ARHGAP24: variants seen among roughly 807,000 people sequenced by gnomAD.
The protein encoded by ARHGAP24 is rho GTPase-activating protein 24.
Under a neutral mutation model 76.4 loss-of-function variants are expected in ARHGAP24, and 50 were observed. The observed-to-expected ratio is 0.65, with a 90% confidence interval of 0.52 to 0.83. The LOEUF is 0.83. Ranked by LOEUF, ARHGAP24 falls within the 40% of genes least tolerant of loss-of-function variation. The pLI, the probability that ARHGAP24 is intolerant of heterozygous loss-of-function variation, is 0.00. For missense variants in ARHGAP24, 930 were observed against 914.2 expected (o/e 1.02, Z -0.22); for synonymous variants, 345 against 323.3 (o/e 1.07, Z -0.72).
intron 3 of ARHGAP24, among the ~76,000 whole-genome samples, chr4:85,888,080 G>A (rs1360206226): frequency 6.6e-6 from 1 of 151,836 alleles, no homozygotes; most frequent in Non-Finnish European, 1.5e-5. Context: ...GAATTTCTTT[G>A]TCATGTTTTG....
At chr4:85,696,099 C>T (rs1723854644) in intron 2 of ARHGAP24, among the ~76,000 whole-genome samples, 1 of 152,102 alleles carries the variant, frequency 6.6e-6, no homozygotes, top group African/African-American at 2.4e-5. Flanking sequence ...ATTGGGAGTG[C>T]TGGGTCTCAT....
chr4:85,913,523 T>A (rs1305120463), intron 3 of ARHGAP24, among the ~76,000 whole-genome samples: 4 of 152,032 alleles, frequency 2.6e-5, no homozygotes, highest in Non-Finnish European at 5.9e-5. Flanking sequence ...TACCTGGGGA[T>A]CTCATTTAGG....
chr4:85,520,365 A>G (rs1185955636), intron 1 of ARHGAP24, among the ~76,000 whole-genome samples: 2 of 152,052 alleles, frequency 1.3e-5, no homozygotes, highest in African/African-American at 4.8e-5. Flanking sequence ...AAATGCCAAA[A>G]CTGAGGTATA....
chr4:85,915,899 A>G (rs187664981), intron 3 of ARHGAP24, among the ~76,000 whole-genome samples: 1 of 152,314 alleles, frequency 6.6e-6, no homozygotes, highest in East Asian at 1.9e-4. Flanking sequence ...ATGTGTCTTT[A>G]TAGCAGAATG....
intron 8 of ARHGAP24, chr4:85,991,754 G>A (rs1740342607): frequency 6.1e-6 from 1 of 164,062 alleles, no homozygotes; most frequent in East Asian, 1.6e-4. Flanking sequence ...TCATGATTAG[G>A]TGGTGTTTTC....
chr4:85,991,151 A>T (rs1187509847), intron 8 of ARHGAP24: 4 of 152,242 alleles, frequency 2.6e-5, no homozygotes, highest in Admixed American at 2.6e-4. Context: ...GATGCTCAGC[A>T]TCTTTAGTCA....
chr4:85,895,357 G>T (rs1734116591), intron 3 of ARHGAP24, among the ~76,000 whole-genome samples: 1 of 151,986 alleles, frequency 6.6e-6, no homozygotes, highest in South Asian at 2.1e-4. Flanking sequence ...TCAGTCTATG[G>T]AAATTTATCT....
In ARHGAP24 at chr4:85,671,584, G is replaced by A. The variant is rs1722816803; in HGVS notation, c.181-50301G>A. 2.0e-5 allele frequency among the ~76,000 whole-genome samples: 3 copies of A among 152,286 alleles called. 1 individual carries two copies. In the South Asian group the frequency reaches 6.2e-4, roughly 32 times the overall value. Reference sequence around the variant, plus strand: ...TATATAAAGAGAGGTTTTAGCTGTAGACTTTTGTTTTGGAGCTATGAGCAC... The same window carrying A: ...TATATAAAGAGAGGTTTTAGCTGTAAACTTTTGTTTTGGAGCTATGAGCAC... On this transcript the variant is annotated intron_variant, in intron 2 of 9. Coordinates refer to ENST00000395184, the MANE Select transcript of ARHGAP24 (RefSeq NM_001025616.3).
At chr4:85,589,744 A>G (rs1235345258) in intron 2 of ARHGAP24, among the ~76,000 whole-genome samples, 1 of 152,218 alleles carries the variant, frequency 6.6e-6, no homozygotes, top group Admixed American at 6.5e-5. Context: ...AGCATCTGCC[A>G]TTAGGTCAAA....
At chr4:85,603,249 A>G (rs1029954685) in intron 2 of ARHGAP24, among the ~76,000 whole-genome samples, 6 of 152,208 alleles carry the variant, frequency 3.9e-5, no homozygotes, top group African/African-American at 1.4e-4. Flanking sequence ...TATTTATTTG[A>G]AGTGCTGACT....
chr4:85,638,292 T>G (rs1407212149), intron 2 of ARHGAP24, among the ~76,000 whole-genome samples: 1 of 152,168 alleles, frequency 6.6e-6, no homozygotes, highest in East Asian at 1.9e-4. Flanking sequence ...TGATACAACT[T>G]TCTCTGAGTA....
chr4:85,910,214 G>A (rs780327961), intron 3 of ARHGAP24, among the ~76,000 whole-genome samples: 33 of 152,294 alleles, frequency 2.2e-4, no homozygotes, highest in Non-Finnish European at 3.5e-4. Flanking sequence ...GGTACCACAG[G>A]ACCCCAAAGA....
At chr4:85,883,839 G>T (rs977860641) in intron 3 of ARHGAP24, among the ~76,000 whole-genome samples, 1 of 152,106 alleles carries the variant, frequency 6.6e-6, no homozygotes, top group African/African-American at 2.4e-5. Context: ...ATCAAGCAGA[G>T]TATAGCTGCT....
chr4:85,693,849 A>C (rs72656231), intron 2 of ARHGAP24, among the ~76,000 whole-genome samples: 12,373 of 152,208 alleles, frequency 0.081, 567 homozygotes, highest in African/African-American at 0.11. Context: ...TAGGTGCATC[A>C]AGGCCCGTGG....
At chr4:85,763,702 T>C (rs534743383) in intron 3 of ARHGAP24, among the ~76,000 whole-genome samples, 1 of 152,338 alleles carries the variant, frequency 6.6e-6, no homozygotes, top group East Asian at 1.9e-4. Flanking sequence ...TAGTAATTCA[T>C]TTATTTCTTT....
chr4:85,809,182 A>G (rs923237304), intron 3 of ARHGAP24, among the ~76,000 whole-genome samples: 2 of 152,204 alleles, frequency 1.3e-5, no homozygotes, highest in Non-Finnish European at 2.9e-5. Context: ...TTCTCTAGTC[A>G]TCACTATAAA....
At chr4:85,533,323 T>C (rs1725342860) in intron 1 of ARHGAP24, among the ~76,000 whole-genome samples, 1 of 152,230 alleles carries the variant, frequency 6.6e-6, no homozygotes, top group African/African-American at 2.4e-5. Flanking sequence ...GTTTTCAAGC[T>C]AGATAAGTAT....
intron 2 of ARHGAP24, among the ~76,000 whole-genome samples, chr4:85,683,125 G>GGGGGGGT (rs1553922590): frequency 9.3e-6 from 1 of 107,658 alleles, no homozygotes; most frequent in Non-Finnish European, 1.9e-5. Flanking sequence ...GGTGGGGGGG[G>GGGGGGGT]GGTGCGGGGG....
At chr4:85,732,461 C>A (rs1052259774) in intron 3 of ARHGAP24, among the ~76,000 whole-genome samples, 1 of 152,192 alleles carries the variant, frequency 6.6e-6, no homozygotes, top group South Asian at 2.1e-4. Context: ...CCAAGGAAGG[C>A]TTTTTCTTTT....
Sources: allele counts gnomAD v4.1 joint callset (sites outside exome capture counted in the v4.1 genomes callset), GRCh38; gene constraint gnomAD v4.1.1; transcripts MANE v1.5; gene names NCBI Gene and HGNC (gene_info 2026-07-23, HGNC 2026-07-21).